NCOA2: variants seen among roughly 807,000 people sequenced by gnomAD.
NCOA2 encodes the protein class E basic helix-loop-helix protein 75.
Under a neutral mutation model 145.1 loss-of-function variants are expected in NCOA2, and 21 were observed. That is an observed-to-expected ratio of 0.14 (90% confidence interval 0.10 to 0.21). NCOA2 has a LOEUF of 0.21. Ranked by LOEUF, NCOA2 falls within the 10% of genes least tolerant of loss-of-function variation. The pLI is 1.00. For synonymous variants in NCOA2, 619 were observed against 637.5 expected, an observed-to-expected ratio of 0.97 and a Z score of 0.44; for missense variants, 1,472 against 1,837.6, an observed-to-expected ratio of 0.80 and a Z score of 3.64.
intron 13 of NCOA2, among the ~76,000 whole-genome samples, chr8:70,143,443 C>T (rs560330450): frequency 1.3e-5 from 2 of 152,054 alleles, no homozygotes; most frequent in Non-Finnish European, 2.9e-5. Context: ...TCTTATAGAA[C>T]TTTATATAAA....
chr8:70,128,838 A>C lies in NCOA2; in HGVS notation c.3467T>G (p.Phe1156Cys), dbSNP rs1442390949. ...ACTAGGCCGCTGTCCCATGGTGTGA[A>C]AGTTTGGATCTTGCATGGGAGAATA... ...GSYSPMQDPNFHTMGQRPSYA... is the reference protein window; with the variant it reads ...GSYSPMQDPNCHTMGQRPSYA... The change falls in exon 17 of 23, where the codon TTT (phenylalanine) becomes TGT (cysteine). Residue 1156 changes from phenylalanine to cysteine, a missense_variant. Coordinates refer to ENST00000452400, the MANE Select transcript of NCOA2 (RefSeq NM_006540.4). 1 of 1,613,886 alleles carries C rather than the reference A, an allele frequency of 6.2e-7. No homozygotes were observed. Among genetic ancestry groups the C allele is most frequent in the African/African-American group, 1.3e-5 (1 of 74,920 alleles).
At chr8:70,442,005 G>T in the NCOA2 span, among the ~76,000 whole-genome samples, 1 of 46,758 alleles carries the variant, frequency 2.1e-5, no homozygotes, top group Non-Finnish European at 6.2e-5. Flanking sequence ...AGGAAAGAAA[G>T]AAATAAAGGA....
rs777106912 is a variant in NCOA2 at position 70,128,480 on chromosome 8, T to G, written c.3634A>C (p.Asn1212His). Reference sequence around the variant, plus strand: ...AGAGTCAAGTTCACATTGGAAACATTGCTGATTTGATTCATAAGTGGCTGG... The same window carrying G: ...AGAGTCAAGTTCACATTGGAAACATGGCTGATTTGATTCATAAGTGGCTGG... ...NRQPLMNQIS[N>H]VSNVNLTLRP... is the part of the protein sequence containing the mutation. The change falls in exon 18 of 23, where the codon AAT (asparagine) becomes CAT (histidine). Residue 1212 changes from asparagine (N) to histidine (H), a missense_variant. Physicochemically the swap from Asn to His is moderately conservative, Grantham distance 68. Transcript: ENST00000452400. 2.5e-6 allele frequency: 4 copies of G among 1,613,100 alleles called. No individual in the cohort carries two copies. The highest frequency in any genetic ancestry group is 3.4e-6 in the Non-Finnish European group (4 of 1,179,528).
chr8:70,241,341 T>C (rs1477930528), intron 2 of NCOA2, among the ~76,000 whole-genome samples: 1 of 152,162 alleles, frequency 6.6e-6, no homozygotes, highest in Non-Finnish European at 1.5e-5. Flanking sequence ...GTTTTAACAA[T>C]CTCTGCTATC....
chr8:70,382,022 T>C (rs1812235153), intron 1 of NCOA2, among the ~76,000 whole-genome samples: 1 of 152,196 alleles, frequency 6.6e-6, no homozygotes, highest in Non-Finnish European at 1.5e-5. Flanking sequence ...AATCATCCTC[T>C]AAATCCAAAT....
intron 1 of NCOA2, among the ~76,000 whole-genome samples, chr8:70,345,866 C>T (rs1213981007): frequency 2.0e-5 from 3 of 152,122 alleles, no homozygotes; most frequent in Non-Finnish European, 2.9e-5. Context: ...CAGCTAGAAC[C>T]AGGGTCCCAT....
intron 17 of NCOA2, 87 bp from the exon 18 acceptor site, chr8:70,128,597 A>C (rs1419968660): frequency 6.3e-7 from 1 of 1,591,706 alleles, no homozygotes; most frequent in Non-Finnish European, 8.6e-7. Flanking sequence ...TGCCCTCCCC[A>C]ACCCAGTATC....
At chr8:70,341,095 A>AAAAAAAAAT (rs1382296810) in intron 1 of NCOA2, among the ~76,000 whole-genome samples, 3 of 123,020 alleles carry the variant, frequency 2.4e-5, no homozygotes, top group African/African-American at 8.0e-5. Context: ...AAAAAAAAAA[A>AAAAAAAAAT]AAGAAACAAA....
At chr8:70,272,254 T>C (rs764590722) in intron 2 of NCOA2, among the ~76,000 whole-genome samples, 5 of 152,222 alleles carry the variant, frequency 3.3e-5, no homozygotes, top group Non-Finnish European at 5.9e-5. Context: ...GCTACAGGTA[T>C]AGACATGGCT....
At position 70,141,335 on chromosome 8, in the gene NCOA2, C is replaced by T. The variant is rs200821862; in HGVS notation, c.2877G>A (p.Ser959=). The change falls in exon 14 of 23, where the codon TCG becomes TCA. Residue 959 remains serine (S), a synonymous_variant. Coordinates refer to ENST00000452400, the MANE Select transcript of NCOA2 (RefSeq NM_006540.4). ...TAGCAGCACAGGTGACTCTCACAGC[C>T]GAACTCTGCGGTGCCCATTCTCCAG... ...MPSGEWAPQS[S]AVRVTCAATT... 1.4e-5 allele frequency: 23 copies of T among 1,613,888 alleles called. No individual in the cohort carries two copies. Among genetic ancestry groups the T allele is most frequent in the Admixed American group, 8.3e-5 (5 of 60,010 alleles).
rs760711294 is a variant in NCOA2, at chr8:70,131,821, G to T, written c.3324+16C>A. 2 of 1,573,904 alleles carry T rather than the reference G, an allele frequency of 1.3e-6. No homozygotes were observed. Among genetic ancestry groups the T allele is most frequent in the Non-Finnish European group, 1.7e-6 (2 of 1,160,178 alleles). ...TGAGAGCGCTTGGCCCCCACCTGCT[G>T]CCCTTCCGCGCATACCTGGCTGACC... On this transcript the variant is annotated intron_variant, in intron 16 of 22. Transcript: ENST00000452400.
intron 3 of NCOA2, among the ~76,000 whole-genome samples, chr8:70,214,993 TG>T (rs1245270925): frequency 5.9e-5 from 9 of 152,268 alleles, no homozygotes; most frequent in African/African-American, 2.2e-4. Context: ...CTTTCATATA[TG>T]CATCTCTAAA....
intron 1 of NCOA2, among the ~76,000 whole-genome samples, chr8:70,383,558 T>G (rs1437430070): frequency 1.3e-5 from 2 of 152,136 alleles, no homozygotes; most frequent in Non-Finnish European, 2.9e-5. Flanking sequence ...CAGGCTGGAG[T>G]GCAATGGCAT....
intron 1 of NCOA2, among the ~76,000 whole-genome samples, chr8:70,325,104 T>C (rs564012576): frequency 3.3e-5 from 5 of 152,366 alleles, no homozygotes; most frequent in African/African-American, 7.2e-5. Context: ...CTTAAGAATA[T>C]GGCATCATGT....
chr8:70,120,889 TA>T (rs1408903218), intron 22 of NCOA2, among the ~76,000 whole-genome samples: 3 of 152,192 alleles, frequency 2.0e-5, no homozygotes, highest in African/African-American at 7.2e-5. Context: ...CAATGTAAGT[TA>T]ATTCCTCTTA....
At chr8:70,235,876 A>AG in intron 2 of NCOA2, among the ~76,000 whole-genome samples, 1 of 152,318 alleles carries the variant, frequency 6.6e-6, no homozygotes, top group South Asian at 2.1e-4. Context: ...AAAATTTTCC[A>AG]GATAATTCTG....
intron 1 of NCOA2, among the ~76,000 whole-genome samples, chr8:70,342,916 T>C (rs1253685581): frequency 1.3e-5 from 2 of 151,286 alleles, no homozygotes. Context: ...GTTTAACACA[T>C]ACAAAATATA....
At position 70,157,075 on chromosome 8, in the gene NCOA2, T is replaced by C. The variant is rs765993284; in HGVS notation, c.1290A>G (p.Pro430=). The C allele has an allele frequency of 6.2e-7, 1 of 1,613,898 alleles. No individual in the cohort carries two copies. The highest frequency in any genetic ancestry group is 1.3e-5 in the African/African-American group (1 of 74,928). ...CCATGGGCATGCCCATTTGTTCCTT[T>C]GGGCCATTTATGGGAAAATTTATAT... ...SSNINFPING[P]KEQMGMPMGR... is the part of the protein sequence containing the mutation. The change falls in exon 11 of 23, where the codon CCA becomes CCG. Residue 430 remains proline, a synonymous_variant. Coordinates refer to ENST00000452400, the MANE Select transcript of NCOA2 (RefSeq NM_006540.4).
intron 2 of NCOA2, among the ~76,000 whole-genome samples, chr8:70,271,978 A>G (rs1293143204): frequency 6.6e-6 from 1 of 152,258 alleles, no homozygotes; most frequent in East Asian, 1.9e-4. Flanking sequence ...AAAGAGATTG[A>G]AAAATTGTAG....
Sources: allele counts gnomAD v4.1 joint callset (sites outside exome capture counted in the v4.1 genomes callset), GRCh38; gene constraint gnomAD v4.1.1; transcripts MANE v1.5; gene names NCBI Gene and HGNC (gene_info 2026-07-23, HGNC 2026-07-21).